Variants in UBR1 observed in about 807,000 individuals in gnomAD.
UBR1 encodes E3 ubiquitin-protein ligase UBR1.
In UBR1, 102 loss-of-function variants were observed where a neutral mutation model predicts 242.1. The ratio of observed to expected loss-of-function variants is 0.42; its 90% CI spans 0.36 to 0.50. The LOEUF (loss-of-function observed/expected upper bound fraction) is 0.50, where lower values mean the gene tolerates loss of function less well. UBR1 is among the 20% of genes least tolerant of loss of function. UBR1 has a pLI of 0.01. For missense variants in UBR1, 1,772 were observed against 2,101.8 expected, an observed-to-expected ratio of 0.84 and a Z score of 3.07; for synonymous variants, 675 against 684.8, an observed-to-expected ratio of 0.99 and a Z score of 0.22.
intron 5 of UBR1, among the ~76,000 whole-genome samples, chr15:43,068,406 C>A (rs1054986743): frequency 1.3e-5 from 2 of 151,876 alleles, no homozygotes; most frequent in South Asian, 4.2e-4. Context: ...AGGCTGGTTG[C>A]AAACTCCTGA....
chr15:43,038,695 A>G (rs2033371560), intron 15 of UBR1, among the ~76,000 whole-genome samples: 1 of 152,194 alleles, frequency 6.6e-6, no homozygotes, highest in African/African-American at 2.4e-5. Flanking sequence ...TTGAAATACA[A>G]TATTACTAAC....
chr15:42,989,177 C>T (rs1431820683), intron 34 of UBR1, among the ~76,000 whole-genome samples: 2 of 152,194 alleles, frequency 1.3e-5, no homozygotes. Flanking sequence ...GGTAGAGAAA[C>T]AGCTCTTATA....
chr15:42,955,937 T>TATTGTTAACC (rs1319134943), intron 44 of UBR1, among the ~76,000 whole-genome samples: 1 of 152,202 alleles, frequency 6.6e-6, no homozygotes, highest in Non-Finnish European at 1.5e-5. Flanking sequence ...AGTACCTGTA[T>TATTGTTAACC]ATTGTTAACC....
intron 25 of UBR1, among the ~76,000 whole-genome samples, 163 bp downstream of exon 25, chr15:43,024,666 G>A (rs1274833224): frequency 2.0e-5 from 3 of 152,048 alleles, no homozygotes; most frequent in African/African-American, 7.2e-5. Flanking sequence ...CTAAAAACAC[G>A]AGATCACTAA....
In UBR1 at chr15:43,043,238, A is replaced by C; in HGVS notation, c.1826T>G (p.Leu609Arg). The change falls in exon 15 of 47, where the codon CTG becomes CGG. Residue 609 changes from leucine to arginine, a missense_variant. Around this residue, in one of 3 missense-constraint regions of UBR1, gnomAD observed 734 missense variants for 893.3 expected, o/e 0.82. Coordinates refer to ENST00000290650, the MANE Select transcript of UBR1 (RefSeq NM_174916.3). ...ACCAGCAAGGGTCCTAGAGAGTGGC[A>C]GATGTATGCTTACAAGATCCTCAGA... Reference protein sequence around the residue: ...RVSEDLVSIHLPLSRTLAGLH... With the variant: ...RVSEDLVSIHRPLSRTLAGLH... The C allele has an allele frequency of 6.2e-7, 1 of 1,614,170 alleles. No individual in the cohort carries two copies. The highest frequency in any genetic ancestry group is 1.1e-5 in the South Asian group (1 of 91,082).
At chr15:42,970,712 A>G in intron 39 of UBR1, 105 bp from the exon 40 acceptor site, 1 of 1,052,100 alleles carries the variant, frequency 9.5e-7, no homozygotes, top group Admixed American at 2.2e-5. Context: ...GATTCATTCA[A>G]CTGAGGTTCT....
At chr15:43,002,525 A>G in intron 32 of UBR1, 30 bp downstream of exon 32, 1 of 1,608,260 alleles carries the variant, frequency 6.2e-7, no homozygotes, top group African/African-American at 1.3e-5. Flanking sequence ...AACTTTTAAA[A>G]AATTAACCAA....
At chr15:43,068,083 GAAAAGT>G in intron 5 of UBR1, 47 bp from the exon 6 acceptor site, 1 of 1,109,226 alleles carries the variant, frequency 9.0e-7, no homozygotes, top group South Asian at 1.7e-5. Context: ...ACAAATAAAG[GAAAAGT>G]AAAAAAAAAA....
intron 12 of UBR1, among the ~76,000 whole-genome samples, chr15:43,049,814 G>A (rs1184219767): frequency 6.6e-6 from 1 of 152,018 alleles, no homozygotes; most frequent in Non-Finnish European, 1.5e-5. Flanking sequence ...TGAACAAACG[G>A]CATTCATGTT....
intron 37 of UBR1, among the ~76,000 whole-genome samples, chr15:42,982,666 G>T (rs12910799): frequency 0.1 from 15,449 of 152,164 alleles, 1,096 homozygotes; most frequent in South Asian, 0.21. Flanking sequence ...AAGCTTGTGG[G>T]GATTGACAAG....
At chr15:43,081,756 T>G (rs2033977502) in intron 3 of UBR1, among the ~76,000 whole-genome samples, 1 of 152,182 alleles carries the variant, frequency 6.6e-6, no homozygotes, top group South Asian at 2.1e-4. Flanking sequence ...TTTTGCTCAG[T>G]CTATCTCTTG....
At chr15:43,038,871 T>G (rs948830484) in intron 15 of UBR1, among the ~76,000 whole-genome samples, 2 of 152,098 alleles carry the variant, frequency 1.3e-5, no homozygotes, top group African/African-American at 4.8e-5. Context: ...AAGGTACTTT[T>G]AACAAAAATT....
At chr15:43,004,422 T>C (rs930167687) in intron 30 of UBR1, among the ~76,000 whole-genome samples, 247 of 152,144 alleles carry the variant, frequency 1.6e-3, no homozygotes, top group African/African-American at 5.7e-3. Flanking sequence ...CCACCAAAGT[T>C]GTGAAAGCCG....
chr15:43,089,191 G>T (rs1356141019), intron 1 of UBR1, among the ~76,000 whole-genome samples: 1 of 136,940 alleles, frequency 7.3e-6, no homozygotes, highest in African/African-American at 2.7e-5. Context: ...GAGATAATAC[G>T]CCCATTTAAA....
At chr15:43,021,432 C>A in intron 26 of UBR1, 57 bp from the exon 27 acceptor site, 1 of 1,553,192 alleles carries the variant, frequency 6.4e-7, no homozygotes, top group Non-Finnish European at 8.9e-7. Flanking sequence ...TCTTGGTATC[C>A]TCAGGGAATT....
At chr15:43,024,778 C>G (rs1311378637) in intron 25 of UBR1, 51 bp downstream of exon 25, 2 of 1,612,170 alleles carry the variant, frequency 1.2e-6, no homozygotes, top group Admixed American at 3.3e-5. Flanking sequence ...TTCCCTAGCT[C>G]CCCAAGAACT....
rs561922174 is a variant in UBR1, at chr15:42,957,877, A to G, written c.4835+136T>C. On this transcript the variant is annotated intron_variant, in intron 44 of 46. Transcript: ENST00000290650. The stretch of plus-strand genomic sequence containing the variant: ...GCAAGATCCTGTCTAAAAAACAAAC[A>G]AACAAAAACAAAAAAACCCAAACCA... The G allele has an allele frequency of 2.6e-5, 20 of 778,872 alleles. No homozygotes were observed. In the African/African-American group the frequency reaches 2.8e-4, roughly 11 times the overall value. The allele number at this position is 778,872 out of a possible 1,614,324, so 48.2% of individuals were successfully genotyped here.
At chr15:42,996,397 G>T (rs957822985) in intron 33 of UBR1, among the ~76,000 whole-genome samples, 6 of 152,050 alleles carry the variant, frequency 3.9e-5, no homozygotes, top group African/African-American at 1.4e-4. Context: ...AGGAGTTTGA[G>T]ACCAGTCTGG....
Position 43,047,172 on chromosome 15 carries a change from A to G in UBR1, c.1657T>C (p.Cys553Arg). 3 of 1,614,110 alleles carry G rather than the reference A, an allele frequency of 1.9e-6. No homozygotes were observed. The highest frequency in any genetic ancestry group is 2.5e-6 in the Non-Finnish European group (3 of 1,180,002). ...CAAATTTTACTTACATCACAAGCAC[A>G]CCACTCTTGGAACATGAGTAAAATA... ...KNILLMFQEW[C>R]ACDEELLLVA... Residue 553 changes from cysteine (C) to arginine (R), a missense_variant, in exon 14 of 47, where the codon TGT becomes CGT. Physicochemically the swap from Cys to Arg is radical, Grantham distance 180. This residue lies in a region of UBR1 where 734 missense variants were observed against 893.3 expected (regional missense o/e 0.82). Coordinates refer to ENST00000290650, the MANE Select transcript of UBR1 (RefSeq NM_174916.3).
Sources: allele counts gnomAD v4.1 joint callset (sites outside exome capture counted in the v4.1 genomes callset), GRCh38; gene constraint gnomAD v4.1.1; regional missense constraint gnomAD v4.1.1; transcripts MANE v1.5; gene names NCBI Gene and HGNC (gene_info 2026-07-23, HGNC 2026-07-21).